Variants in PCYT1B observed in about 807,000 individuals in gnomAD.
The protein encoded by PCYT1B is choline-phosphate cytidylyltransferase B.
Under a neutral mutation model 26.4 loss-of-function variants are expected in PCYT1B, and 10 were observed. The observed-to-expected ratio is 0.38, with a 90% CI of 0.23 to 0.64. The LOEUF (loss-of-function observed/expected upper bound fraction) is 0.64. PCYT1B is among the 30% of genes least tolerant of loss of function. The probability of loss-of-function intolerance (pLI) is 0.56; values close to 1 mark genes in which losing one functional copy is unlikely to be tolerated. For synonymous variants in PCYT1B, 131 were observed against 108.4 expected (o/e 1.21, Z -1.29); for missense variants, 161 against 292.7 (o/e 0.55, Z 3.28).
At chrX:24,661,993 A>G (rs767690799) in intron 1 of PCYT1B, among the ~76,000 whole-genome samples, 3 of 110,634 alleles carry the variant, frequency 2.7e-5, no homozygotes, top group Non-Finnish European at 5.7e-5. Context: ...GTGAGACTTC[A>G]TCTCCACTAA....
At chrX:24,599,837 C>T (rs1195186445) in intron 3 of PCYT1B, among the ~76,000 whole-genome samples, 1 of 111,782 alleles carries the variant, frequency 8.9e-6, no homozygotes, top group African/African-American at 3.2e-5. Context: ...TATTTCAAAG[C>T]ATTATAGTAT....
chrX:24,646,476 A>G (rs1314670187), intron 1 of PCYT1B, among the ~76,000 whole-genome samples: 1 of 111,377 alleles, frequency 9.0e-6, no homozygotes, highest in Non-Finnish European at 1.9e-5. Context: ...AGGGACTCCT[A>G]TGTATTTATT....
chrX:24,620,157 C>T (rs1005797708), intron 1 of PCYT1B, among the ~76,000 whole-genome samples: 8 of 112,449 alleles, frequency 7.1e-5, no homozygotes, highest in African/African-American at 2.6e-4. Flanking sequence ...ATGATCCATA[C>T]ATTTGGACAG....
upstream of PCYT1B, among the ~76,000 whole-genome samples, chrX:24,649,568 G>C (rs1926721554): frequency 8.9e-6 from 1 of 111,756 alleles, no homozygotes; most frequent in Admixed American, 9.5e-5. Flanking sequence ...GTTCCTAATT[G>C]GTCACCTAAT....
At chrX:24,603,079 C>T (rs1925019189) in intron 3 of PCYT1B, among the ~76,000 whole-genome samples, 1 of 112,557 alleles carries the variant, frequency 8.9e-6, no homozygotes, top group Non-Finnish European at 1.9e-5. Flanking sequence ...GCTGGGATTA[C>T]AGGCGTGAGC....
rs374360437 is a variant in PCYT1B, at chrX:24,587,702, T to A, written c.487-383A>T. On this transcript the variant is annotated intron_variant, in intron 4 of 7. Transcript: ENST00000379144. ...AAATCTTCATTTCCTGTCCCATTGA[T>A]GGCAATGGGCACTCACACTTAGGTC... 3.6e-5 allele frequency among the ~76,000 whole-genome samples: 4 copies of A among 112,131 alleles called. No homozygotes were observed. In the South Asian group the frequency reaches 1.1e-3, roughly 32 times the overall value.
rs1459600614 is a variant in PCYT1B at position 24,559,393 on chromosome X, GA to G, written c.*2899del. ...AAGAAGGAAGAAAGAGAAAGAAAAA[GA>G]AAGAAAGAAAAAGAGGAAAGAAAAA... On this transcript the variant is annotated 3_prime_UTR_variant, in exon 8 of 8. Transcript: ENST00000379144. The G allele has an allele frequency of 3.5e-5, 3 of 85,899 alleles. No homozygotes were observed. The highest frequency in any genetic ancestry group is 4.8e-5 in the Non-Finnish European group (2 of 42,092). 7.1% of individuals were successfully genotyped at this position (85,899 alleles called of 1,213,427 possible).
chrX:24,672,157 C>G (rs1041388107), intron 1 of PCYT1B, among the ~76,000 whole-genome samples: 1 of 112,232 alleles, frequency 8.9e-6, no homozygotes, highest in Non-Finnish European at 1.9e-5. Flanking sequence ...AGCGTAACTC[C>G]ATCTCAGAAT....
At chrX:24,590,656 G>C (rs772818452) in intron 3 of PCYT1B, among the ~76,000 whole-genome samples, 4 of 110,765 alleles carry the variant, frequency 3.6e-5, no homozygotes, top group Admixed American at 9.7e-5. Context: ...CAGACAGACA[G>C]ACACACACAC....
intron 1 of PCYT1B, among the ~76,000 whole-genome samples, chrX:24,634,283 A>T (rs1402594708): frequency 8.9e-6 from 1 of 111,879 alleles, no homozygotes; most frequent in African/African-American, 3.2e-5. Flanking sequence ...TACATGAGGT[A>T]TCCTAAAGGG....
chrX:24,645,048 A>G (rs1926581398), intron 1 of PCYT1B, among the ~76,000 whole-genome samples: 1 of 111,340 alleles, frequency 9.0e-6, no homozygotes, highest in African/African-American at 3.3e-5. Flanking sequence ...TGGAGGACAT[A>G]GTGAGACTCC....
Position 24,647,254 on chromosome X carries a change from TA to T in PCYT1B, c.-150del. 1.1e-6 allele frequency: 1 copy of T among 952,039 alleles called. No homozygotes were observed. The highest frequency in any genetic ancestry group is 3.0e-5 in the South Asian group (1 of 33,466). The allele number at this position is 952,039 out of a possible 1,213,427, so 78.5% of individuals were successfully genotyped here. On this transcript the variant is annotated 5_prime_UTR_variant, in exon 1 of 8. Coordinates refer to ENST00000379144, the MANE Select transcript of PCYT1B (RefSeq NM_004845.5). ...TTCTTTCTGTCTTCCCTAGGGGAAG[TA>T]AAGAGGTTACCCCCCGCCCCTCTCT...
rs188044661 is a variant in PCYT1B at position 24,617,308 on chromosome X, T to C, written c.217+1677A>G. On this transcript the variant is annotated intron_variant, in intron 2 of 7. Coordinates refer to ENST00000379144, the MANE Select transcript of PCYT1B (RefSeq NM_004845.5). The stretch of plus-strand genomic sequence containing the variant: ...ATACATAGTAAGTACTTAATAAGTA[T>C]CCATTATTATTGTTAAGCAAACTGT... Among the ~76,000 whole-genome samples the C allele has an allele frequency of 1.5e-3, 170 of 110,080 alleles. 1 individual carries two copies. The highest frequency in any genetic ancestry group is 2.9e-3 in the Non-Finnish European group (151 of 52,734).
At chrX:24,665,200 TTAA>T (rs2148281920) in intron 1 of PCYT1B, among the ~76,000 whole-genome samples, 2 of 112,117 alleles carry the variant, frequency 1.8e-5, no homozygotes, top group South Asian at 7.4e-4. Flanking sequence ...GTTTGGCAAA[TTAA>T]TAATATATTT....
At chrX:24,603,215 C>T (rs1404212639) in intron 3 of PCYT1B, among the ~76,000 whole-genome samples, 1 of 112,441 alleles carries the variant, frequency 8.9e-6, no homozygotes, top group Non-Finnish European at 1.9e-5. Context: ...TAGTCTAAGA[C>T]AGTGGTCCTC....
chrX:24,638,219 AG>A (rs1234731827), intron 1 of PCYT1B, among the ~76,000 whole-genome samples: 1 of 111,814 alleles, frequency 8.9e-6, no homozygotes, highest in Admixed American at 9.5e-5. Context: ...GGGAGGGAGG[AG>A]ATTATATGAA....
chrX:24,620,697 AGACACTCACT>A (rs932138873), intron 1 of PCYT1B, among the ~76,000 whole-genome samples: 2 of 112,142 alleles, frequency 1.8e-5, no homozygotes, highest in African/African-American at 6.5e-5. Flanking sequence ...ACTCACTAAC[AGACACTCACT>A]AACATTAGCT....
intron 3 of PCYT1B, among the ~76,000 whole-genome samples, chrX:24,600,373 A>G (rs772966440): frequency 5.4e-5 from 6 of 111,405 alleles, no homozygotes; most frequent in Admixed American, 4.8e-4. Flanking sequence ...AGGGCAAACC[A>G]CTACTCCCAA....
chrX:24,569,128 A>T (rs1457708586), intron 7 of PCYT1B, among the ~76,000 whole-genome samples: 1 of 111,237 alleles, frequency 9.0e-6, no homozygotes, highest in Non-Finnish European at 1.9e-5. Flanking sequence ...ATCTTTTTTT[A>T]AAAAAAGATA....
Sources: gnomAD v4.1 joint callset for allele counts (sites outside exome capture counted in the v4.1 genomes callset) on GRCh38, gnomAD v4.1.1 for gene constraint, MANE v1.5 for transcripts, NCBI Gene and HGNC (gene_info 2026-07-23, HGNC 2026-07-21) for gene names.